The following ANKRD12 variants were observed in gnomAD, a reference collection of about 807,000 sequenced individuals.
ANKRD12 encodes the protein ankyrin repeat domain-containing protein 12.
A neutral mutation model predicts 183.4 loss-of-function variants in ANKRD12; 85 were observed. The ratio of observed to expected loss-of-function variants is 0.46; its 90% CI spans 0.39 to 0.56. ANKRD12 has a LOEUF of 0.56. ANKRD12 is among the 20% of genes least tolerant of loss of function. The probability of loss-of-function intolerance (pLI) is 0.00; values close to 1 mark genes in which losing one functional copy is unlikely to be tolerated. For synonymous variants in ANKRD12, 914 were observed against 800.2 expected, an observed-to-expected ratio of 1.14 and a Z score of -2.40; for missense variants, 2,405 against 2,357.1, an observed-to-expected ratio of 1.02 and a Z score of -0.42.
chr18:9,148,334 G>A (rs977978422), intron 1 of ANKRD12, among the ~76,000 whole-genome samples: 7 of 130,012 alleles, frequency 5.4e-5, no homozygotes, highest in African/African-American at 1.1e-4. Flanking sequence ...ACACACACAC[G>A]TATGTATGTA....
intron 4 of ANKRD12, 57 bp downstream of exon 4, chr18:9,204,601 T>G: frequency 8.0e-7 from 1 of 1,246,262 alleles, no homozygotes; most frequent in Middle Eastern, 1.9e-4. Context: ...CATTTACAAT[T>G]AATTATTGTA....
intron 1 of ANKRD12, among the ~76,000 whole-genome samples, chr18:9,166,575 T>C (rs2032093299): frequency 6.6e-6 from 1 of 152,184 alleles, no homozygotes; most frequent in African/African-American, 2.4e-5. Context: ...GTTGTTTTTT[T>C]CTTGTAAATT....
chr18:9,219,746 C>T (rs1026815605), intron 7 of ANKRD12, among the ~76,000 whole-genome samples: 17 of 148,264 alleles, frequency 1.1e-4, no homozygotes, highest in African/African-American at 3.8e-4. Flanking sequence ...ACACAGAATC[C>T]TAGAAAGAAA....
At chr18:9,237,888 TCAA>T (rs971561250) in intron 8 of ANKRD12, among the ~76,000 whole-genome samples, 8 of 152,236 alleles carry the variant, frequency 5.3e-5, no homozygotes, top group South Asian at 4.2e-4. Context: ...TTTACAAGAC[TCAA>T]CAAAATCTTC....
rs997213602 is a variant in ANKRD12, at chr18:9,235,530, T to C, written c.943+13531T>C. ...AATATCAACAGTTGCTAACACCACA[T>C]AAAGAGAAAAAGAATATACTATATA... On this transcript the variant is annotated intron_variant, in intron 8 of 12. Transcript: ENST00000262126. 1.4e-5 allele frequency: 5 copies of C among 355,636 alleles called. 1 individual carries two copies. In the Middle Eastern group the frequency reaches 1.5e-3, roughly 110 times the overall value. The allele number at this position is 355,636 out of a possible 1,614,324, so 22.0% of individuals were successfully genotyped here.
At chr18:9,252,914 T>C (rs751198017) in intron 8 of ANKRD12, among the ~76,000 whole-genome samples, 1 of 152,214 alleles carries the variant, frequency 6.6e-6, no homozygotes, top group African/African-American at 2.4e-5. Flanking sequence ...TCGAGTTAAA[T>C]ATTCTCTCTC....
chr18:9,214,422 TTG>T (rs2035979005), intron 6 of ANKRD12, among the ~76,000 whole-genome samples: 1 of 152,094 alleles, frequency 6.6e-6, no homozygotes, highest in African/African-American at 2.4e-5. Flanking sequence ...CCTGTTACCA[TTG>T]TGGTGAGCTC....
At chr18:9,139,236 G>T (rs1215333510) in intron 1 of ANKRD12, among the ~76,000 whole-genome samples, 1 of 152,060 alleles carries the variant, frequency 6.6e-6, no homozygotes, top group Non-Finnish European at 1.5e-5. Flanking sequence ...AATACCCAAG[G>T]GGGAAAAAAG....
intron 2 of ANKRD12, among the ~76,000 whole-genome samples, chr18:9,188,661 A>G (rs956541981): frequency 6.6e-6 from 1 of 152,242 alleles, no homozygotes; most frequent in Non-Finnish European, 1.5e-5. Flanking sequence ...TTCATTGGCA[A>G]CATTTTTCCA....
At position 9,152,656 on chromosome 18, in the gene ANKRD12, T is replaced by C. The variant is rs541518709; in HGVS notation, c.-52+15691T>C. ...GTTATCTACATTCTATTTACCACAC[T>C]TAAAAAAATTTTTTTCTGCCTTCTG... On this transcript the variant is annotated intron_variant, in intron 1 of 12. Transcript: ENST00000262126. Among the ~76,000 whole-genome samples the C allele has an allele frequency of 5.9e-5, 9 of 152,242 alleles. No homozygotes were observed. The South Asian group carries it at 1.9e-3, about 32-fold the overall frequency.
chr18:9,263,953 G>T, intron 10 of ANKRD12, 65 bp downstream of exon 10: 1 of 1,183,122 alleles, frequency 8.5e-7, no homozygotes, highest in East Asian at 2.8e-5. Flanking sequence ...AATTAAAATG[G>T]CCTATAATTT....
chr18:9,141,197 T>A (rs1462012684), intron 1 of ANKRD12, among the ~76,000 whole-genome samples: 7 of 132,612 alleles, frequency 5.3e-5, no homozygotes, highest in African/African-American at 8.4e-5. Context: ...TTTTATGAGA[T>A]GCTGATATAC....
At chr18:9,210,695 C>T (rs1382966091) in intron 5 of ANKRD12, among the ~76,000 whole-genome samples, 2 of 121,816 alleles carry the variant, frequency 1.6e-5, no homozygotes, top group Admixed American at 2.3e-4. Context: ...TACCACGCTC[C>T]AGCCTGGGCA....
chr18:9,230,198 T>C (rs1379085917), intron 8 of ANKRD12, among the ~76,000 whole-genome samples: 1 of 152,206 alleles, frequency 6.6e-6, no homozygotes, highest in Admixed American at 6.5e-5. Flanking sequence ...TGTTACTTTC[T>C]GGTTTGATTT....
intron 10 of ANKRD12, among the ~76,000 whole-genome samples, chr18:9,266,733 A>T (rs975771385): frequency 6.6e-6 from 1 of 152,162 alleles, no homozygotes; most frequent in Admixed American, 6.5e-5. Context: ...ACCAGCTAAC[A>T]TCATAATGAC....
intron 1 of ANKRD12, among the ~76,000 whole-genome samples, chr18:9,143,273 T>C (rs907169971): frequency 5.3e-5 from 8 of 152,186 alleles, no homozygotes; most frequent in African/African-American, 1.9e-4. Flanking sequence ...AGAACTTAAG[T>C]TGAAATTTAT....
chr18:9,260,938 A>G (rs753045681), intron 9 of ANKRD12, among the ~76,000 whole-genome samples: 8 of 152,090 alleles, frequency 5.3e-5, no homozygotes, highest in Non-Finnish European at 1.2e-4. Flanking sequence ...AACTTACCCA[A>G]TGACCTGCTT....
intron 1 of ANKRD12, among the ~76,000 whole-genome samples, chr18:9,175,805 G>A (rs934672440): frequency 2.0e-5 from 3 of 151,956 alleles, no homozygotes; most frequent in Admixed American, 1.3e-4. Flanking sequence ...TAGAATTACA[G>A]GTGTGAGCCA....
intron 7 of ANKRD12, among the ~76,000 whole-genome samples, chr18:9,217,903 A>G (rs142720964): frequency 1.1e-3 from 170 of 152,308 alleles, no homozygotes; most frequent in Admixed American, 2.6e-3. Context: ...ATAGATGGAT[A>G]GGTAGATGAA....
Sources: allele counts gnomAD v4.1 joint callset (sites outside exome capture counted in the v4.1 genomes callset), GRCh38; gene constraint gnomAD v4.1.1; transcripts MANE v1.5; gene names NCBI Gene and HGNC (gene_info 2026-07-23, HGNC 2026-07-21).